The following CDIN1 variants were observed in gnomAD, a reference collection of about 807,000 sequenced individuals.
The protein encoded by CDIN1 is CDAN1 interacting nuclease 1, also known as CDAN1-interacting nuclease 1.
A neutral mutation model predicts 45.3 loss-of-function variants in CDIN1; 33 were observed. The ratio of observed to expected loss-of-function variants is 0.73; its 90% CI spans 0.55 to 0.97. CDIN1 has a LOEUF of 0.97. Ranked by LOEUF, CDIN1 falls within the 50% of genes least tolerant of loss-of-function variation. CDIN1 has a pLI of 0.00. For synonymous variants in CDIN1, 118 were observed against 124.4 expected (o/e 0.95, Z 0.34); for missense variants, 303 against 339.4 (o/e 0.89, Z 0.84).
chr15:36,794,966 G>A (rs1469104261), intron 10 of CDIN1, among the ~76,000 whole-genome samples: 4 of 152,146 alleles, frequency 2.6e-5, no homozygotes, highest in African/African-American at 9.7e-5. Context: ...AAAGAATAAA[G>A]CCATGTCATT....
intron 5 of CDIN1, among the ~76,000 whole-genome samples, chr15:36,668,378 C>G (rs1280463164): frequency 6.6e-6 from 1 of 152,090 alleles, no homozygotes; most frequent in African/African-American, 2.4e-5. Context: ...ATAGCTCTGA[C>G]ATAGCTAAGG....
intron 10 of CDIN1, among the ~76,000 whole-genome samples, chr15:36,734,610 G>A (rs1037812692): frequency 6.6e-6 from 1 of 152,104 alleles, no homozygotes; most frequent in Non-Finnish European, 1.5e-5. Flanking sequence ...GGTTTGGAGA[G>A]CCAGTCTGCT....
At chr15:36,613,456 T>A (rs746913581) in intron 1 of CDIN1, 27 of 1,540,922 alleles carry the variant, frequency 1.8e-5, no homozygotes, top group Non-Finnish European at 2.4e-5. Context: ...GCGTGAGCAG[T>A]AGCTAGGTGG....
chr15:36,579,871 C>G lies in CDIN1; in HGVS notation c.11C>G (p.Thr4Ser), dbSNP rs781617330. 2 of 1,613,676 alleles carry G rather than the reference C, an allele frequency of 1.2e-6. No homozygotes were observed. The highest frequency in any genetic ancestry group is 3.3e-5 in the Admixed American group (2 of 59,996). The change falls in exon 1 of 11, where the codon ACC becomes AGC. Residue 4 changes from threonine to serine, a missense_variant. Coordinates refer to ENST00000566621, the MANE Select transcript of CDIN1 (RefSeq NM_001321759.2). MIL[T>S]KAQYDEIAQC... ...GGTCCCTGGCCCAACATGATACTGA[C>G]CAAAGCTCAGTACGACGAGATAGCC...
chr15:36,673,610 A>T (rs2041532067), intron 5 of CDIN1, among the ~76,000 whole-genome samples: 1 of 152,104 alleles, frequency 6.6e-6, no homozygotes, highest in Non-Finnish European at 1.5e-5. Context: ...TACAAAATGT[A>T]CCAAACCAGC....
intron 10 of CDIN1, among the ~76,000 whole-genome samples, chr15:36,798,401 G>T (rs1012550748): frequency 2.9e-4 from 44 of 151,982 alleles, no homozygotes; most frequent in African/African-American, 1.0e-3. Flanking sequence ...TTGCTTTTGG[G>T]GACTAGGTTG....
intron 5 of CDIN1, among the ~76,000 whole-genome samples, chr15:36,670,279 T>A (rs539365270): frequency 4.6e-5 from 7 of 152,234 alleles, no homozygotes; most frequent in African/African-American, 1.7e-4. Context: ...ACATATATCC[T>A]TGTCTGCTAT....
chr15:36,676,880 C>A (rs2140579738), intron 5 of CDIN1, among the ~76,000 whole-genome samples: 2 of 152,228 alleles, frequency 1.3e-5, no homozygotes, highest in African/African-American at 4.8e-5. Flanking sequence ...ACCATGGAAT[C>A]TCTTACCGTA....
At chr15:36,620,493 CAT>C (rs991268095) in intron 1 of CDIN1, among the ~76,000 whole-genome samples, 11 of 152,118 alleles carry the variant, frequency 7.2e-5, no homozygotes, top group African/African-American at 2.7e-4. Context: ...TTTCTTACTC[CAT>C]ATGTTATTCT....
intron 10 of CDIN1, among the ~76,000 whole-genome samples, chr15:36,774,064 T>C (rs1000708971): frequency 6.6e-6 from 1 of 152,094 alleles, no homozygotes; most frequent in African/African-American, 2.4e-5. Context: ...GAGAAGAGTC[T>C]TCTCAGGGAC....
intron 1 of CDIN1, among the ~76,000 whole-genome samples, chr15:36,633,137 T>C (rs2039748703): frequency 6.6e-6 from 1 of 152,190 alleles, no homozygotes; most frequent in Non-Finnish European, 1.5e-5. Flanking sequence ...TGTTATAAAA[T>C]ATAGCACAAA....
chr15:36,801,164 C>T (rs961593040), intron 10 of CDIN1, among the ~76,000 whole-genome samples: 7 of 151,402 alleles, frequency 4.6e-5, no homozygotes, highest in African/African-American at 1.5e-4. Flanking sequence ...TATTGTAGGA[C>T]TCTACTGCAC....
intron 10 of CDIN1, among the ~76,000 whole-genome samples, chr15:36,796,778 G>A: frequency 6.6e-6 from 1 of 152,216 alleles, no homozygotes; most frequent in East Asian, 1.9e-4. Flanking sequence ...CTGTGGCTCA[G>A]AACTTCATCT....
intron 5 of CDIN1, among the ~76,000 whole-genome samples, chr15:36,682,368 G>C (rs767167465): frequency 3.9e-5 from 6 of 152,036 alleles, no homozygotes; most frequent in East Asian, 1.9e-4. Flanking sequence ...AGTTCTAGTC[G>C]GTCCTTCAAT....
intron 10 of CDIN1, among the ~76,000 whole-genome samples, chr15:36,758,303 T>C (rs8023349): frequency 6.6e-6 from 1 of 152,178 alleles, no homozygotes; most frequent in East Asian, 1.9e-4. Flanking sequence ...TAGTAGCATG[T>C]GGCTACAGTG....
At chr15:36,748,467 C>T (rs1176470066) in intron 10 of CDIN1, among the ~76,000 whole-genome samples, 4 of 152,104 alleles carry the variant, frequency 2.6e-5, no homozygotes, top group African/African-American at 4.8e-5. Flanking sequence ...CAAACTGTCT[C>T]CTTGCCCAAC....
intron 1 of CDIN1, among the ~76,000 whole-genome samples, chr15:36,610,192 C>T (rs2038581411): frequency 6.6e-6 from 1 of 152,188 alleles, no homozygotes; most frequent in Admixed American, 6.5e-5. Context: ...CAGATGACAG[C>T]TGCATCAAAG....
intron 10 of CDIN1, among the ~76,000 whole-genome samples, chr15:36,713,162 T>C (rs1366529675): frequency 1.3e-5 from 2 of 152,138 alleles, no homozygotes; most frequent in Admixed American, 1.3e-4. Context: ...TCCTTACTTT[T>C]GGTGGTTTGA....
intron 10 of CDIN1, among the ~76,000 whole-genome samples, chr15:36,767,222 C>T (rs552668491): frequency 6.6e-6 from 1 of 151,996 alleles, no homozygotes; most frequent in Non-Finnish European, 1.5e-5. Context: ...GACTCTGAAT[C>T]TTGGGAAAGT....
Sources: gnomAD v4.1 joint callset for allele counts (sites outside exome capture counted in the v4.1 genomes callset) on GRCh38, gnomAD v4.1.1 for gene constraint, MANE v1.5 for transcripts, NCBI Gene and HGNC (gene_info 2026-07-23, HGNC 2026-07-21) for gene names.